The following SRD5A2 variants were observed in gnomAD, a reference collection of about 807,000 sequenced individuals.
The protein encoded by SRD5A2 is 3-oxo-5-alpha-steroid 4-dehydrogenase 2.
In SRD5A2, 30 loss-of-function variants were observed where a neutral mutation model predicts 27.4. The observed-to-expected ratio is 1.10, with a 90% CI of 0.82 to 1.49. The LOEUF is 1.49. Ranked by LOEUF, SRD5A2 falls within the 40% of genes most tolerant of loss-of-function variation. The pLI, the probability that SRD5A2 is intolerant of heterozygous loss-of-function variation, is 0.00. For synonymous variants in SRD5A2, 141 were observed against 133.6 expected, an observed-to-expected ratio of 1.06 and a Z score of -0.38; for missense variants, 348 against 323.4, an observed-to-expected ratio of 1.08 and a Z score of -0.58.
chr2:31,604,757 A>G, the SRD5A2 span, among the ~76,000 whole-genome samples: 2 of 151,902 alleles, frequency 1.3e-5, no homozygotes, highest in African/African-American at 4.8e-5. Flanking sequence ...ATTCAATGCG[A>G]TTCGTGTCAA....
chr2:31,528,880 C>T (rs1447308301), intron 4 of SRD5A2, among the ~76,000 whole-genome samples: 2 of 152,220 alleles, frequency 1.3e-5, no homozygotes, highest in African/African-American at 2.4e-5. Context: ...GGGGATGAAA[C>T]TGAAGGTGGA....
chr2:31,585,484 C>A (rs554556927), upstream of SRD5A2, among the ~76,000 whole-genome samples: 3 of 152,188 alleles, frequency 2.0e-5, no homozygotes, highest in African/African-American at 2.4e-5. Flanking sequence ...AGATATGGCA[C>A]CAGTCAGAAT....
the SRD5A2 span, among the ~76,000 whole-genome samples, chr2:31,650,647 C>T: frequency 6.6e-6 from 1 of 152,138 alleles, no homozygotes; most frequent in Non-Finnish European, 1.5e-5. Flanking sequence ...CTAAGCCAAA[C>T]ACATGTTACA....
the SRD5A2 span, among the ~76,000 whole-genome samples, chr2:31,655,116 T>A: frequency 6.6e-6 from 1 of 152,196 alleles, no homozygotes; most frequent in African/African-American, 2.4e-5. Context: ...TTTATTTTTA[T>A]CTTAGATGGA....
the SRD5A2 span, among the ~76,000 whole-genome samples, chr2:31,660,650 G>C: frequency 6.6e-6 from 1 of 151,958 alleles, no homozygotes; most frequent in Non-Finnish European, 1.5e-5. Flanking sequence ...GGAAATCTTA[G>C]TACCTTCCTC....
rs970541457 is a variant in SRD5A2, at chr2:31,522,974, T to C, written c.*3222A>G. Reference sequence around the variant, plus strand: ...GAGAGCTATTATCAAACTTCAGGGTTGTAAAACCACGGATTTATTTATTTG... The same window carrying C: ...GAGAGCTATTATCAAACTTCAGGGTCGTAAAACCACGGATTTATTTATTTG... On this transcript the variant is annotated 3_prime_UTR_variant, in exon 5 of 5. Coordinates refer to ENST00000622030, the MANE Select transcript of SRD5A2 (RefSeq NM_000348.4). The C allele has an allele frequency of 4.5e-6, 1 of 221,340 alleles. No homozygotes were observed. The highest frequency in any genetic ancestry group is 2.2e-5 in the African/African-American group (1 of 44,610). The allele number at this position is 221,340 out of a possible 1,614,324, so 13.7% of individuals were successfully genotyped here. A position where few individuals can be genotyped will look rare whatever the true frequency, so the allele number is the denominator to read the frequency against.
the SRD5A2 span, among the ~76,000 whole-genome samples, chr2:31,647,162 A>C: frequency 6.6e-6 from 1 of 152,102 alleles, no homozygotes; most frequent in African/African-American, 2.4e-5. Context: ...AAAACAAAAC[A>C]AAACAAAAAC....
At chr2:31,544,593 A>G (rs1666205416) in intron 1 of SRD5A2, among the ~76,000 whole-genome samples, 1 of 151,280 alleles carries the variant, frequency 6.6e-6, no homozygotes, top group Non-Finnish European at 1.5e-5. Flanking sequence ...AAATGATTAT[A>G]TTAAAAACAA....
At chr2:31,628,037 C>G in the SRD5A2 span, among the ~76,000 whole-genome samples, 2 of 152,100 alleles carry the variant, frequency 1.3e-5, no homozygotes, top group African/African-American at 4.8e-5. Flanking sequence ...TGTTAGTTTT[C>G]TGCCTCGATG....
chr2:31,568,910 C>T (rs1666792879), intron 1 of SRD5A2, among the ~76,000 whole-genome samples: 1 of 152,266 alleles, frequency 6.6e-6, no homozygotes, highest in Admixed American at 6.5e-5. Flanking sequence ...AGCAACAGCA[C>T]CTTGGCTCAG....
At chr2:31,536,618 A>G (rs902254838) in intron 1 of SRD5A2, among the ~76,000 whole-genome samples, 1 of 152,222 alleles carries the variant, frequency 6.6e-6, no homozygotes, top group Non-Finnish European at 1.5e-5. Context: ...GACTTTGGAG[A>G]ACTAGATGTC....
Position 31,531,379 on chromosome 2 carries a change from A to G in SRD5A2, c.539T>C (p.Ile180Thr). ...LRKPGEISYR[I>T]PQGGLFTYVS... ...GGCAGGGGAGACATTACCTTGTGGA[A>G]TCCTGTAGCTGATTTCTCCAGGCTT... Residue 180 changes from isoleucine to threonine, a missense_variant, in exon 3 of 5, where the codon ATT becomes ACT. Ile to Thr is a moderately conservative substitution (Grantham distance 89). Coordinates refer to ENST00000622030, the MANE Select transcript of SRD5A2 (RefSeq NM_000348.4). 1.3e-6 allele frequency: 2 copies of G among 1,581,738 alleles called. No homozygotes were observed. Among genetic ancestry groups the G allele is most frequent in the Non-Finnish European group, 1.7e-6 (2 of 1,162,666 alleles).
intron 1 of SRD5A2, among the ~76,000 whole-genome samples, chr2:31,580,381 C>A (rs765430355): frequency 6.6e-6 from 1 of 152,198 alleles, no homozygotes; most frequent in East Asian, 1.9e-4. Context: ...CTGCTGAGAG[C>A]GGATGAGGTC....
At chr2:31,615,836 G>C in the SRD5A2 span, among the ~76,000 whole-genome samples, 2 of 152,146 alleles carry the variant, frequency 1.3e-5, no homozygotes, top group Non-Finnish European at 2.9e-5. Context: ...TGGTTTCATG[G>C]GCCAGACCCA....
In SRD5A2 at chr2:31,525,278, G is replaced by A; in HGVS notation, c.*918C>T. On this transcript the variant is annotated 3_prime_UTR_variant, in exon 5 of 5. Transcript: ENST00000622030. ...CATATTGTTGTGGACATCTGGTGGA[G>A]GCAAGCAGCATGTAACCTCATCATT... 4.5e-6 allele frequency: 1 copy of A among 224,312 alleles called. No individual in the cohort carries two copies. Among genetic ancestry groups the A allele is most frequent in the Non-Finnish European group, 8.9e-6 (1 of 112,436 alleles). The allele number at this position is 224,312 out of a possible 1,614,324, so 13.9% of individuals were successfully genotyped here.
At chr2:31,609,491 T>A in the SRD5A2 span, among the ~76,000 whole-genome samples, 190 of 152,002 alleles carry the variant, frequency 1.2e-3, 1 homozygote, top group Non-Finnish European at 2.4e-3. Context: ...TTCAACAAGG[T>A]TGTCAAGATC....
chr2:31,597,209 A>G, the SRD5A2 span, among the ~76,000 whole-genome samples: 1 of 152,286 alleles, frequency 6.6e-6, no homozygotes, highest in East Asian at 1.9e-4. Context: ...AAGCAAACAG[A>G]AACAAAGTGG....
chr2:31,583,821 A>G (rs961420086), upstream of SRD5A2, among the ~76,000 whole-genome samples: 1 of 152,068 alleles, frequency 6.6e-6, no homozygotes, highest in African/African-American at 2.4e-5. Context: ...GAAAAGGTTT[A>G]TATCGACAGA....
At chr2:31,596,806 C>T in the SRD5A2 span, among the ~76,000 whole-genome samples, 4 of 152,162 alleles carry the variant, frequency 2.6e-5, no homozygotes, top group South Asian at 6.2e-4. Context: ...AAGACCTCTA[C>T]AAGGAAAGCT....
Sources: allele counts gnomAD v4.1 joint callset (sites outside exome capture counted in the v4.1 genomes callset), GRCh38; gene constraint gnomAD v4.1.1; transcripts MANE v1.5; gene names NCBI Gene and HGNC (gene_info 2026-07-23, HGNC 2026-07-21).